AGBL1: variants seen among roughly 807,000 people sequenced by gnomAD.
The protein encoded by AGBL1 is cytosolic carboxypeptidase 4.
Under a neutral mutation model 118.9 loss-of-function variants are expected in AGBL1, and 130 were observed. The ratio of observed to expected loss-of-function variants is 1.09; its 90% CI spans 0.95 to 1.26. The LOEUF (loss-of-function observed/expected upper bound fraction) is 1.26. AGBL1 is among the 50% of genes most tolerant of loss of function. The probability of loss-of-function intolerance (pLI) is 0.00; values close to 1 mark genes in which losing one functional copy is unlikely to be tolerated. For synonymous variants in AGBL1, 555 were observed against 478.9 expected (o/e 1.16, Z -2.08); for missense variants, 1,584 against 1,298.1 (o/e 1.22, Z -3.38).
chr15:86,205,979 G>A (rs1000010365), intron 5 of AGBL1, among the ~76,000 whole-genome samples: 1 of 151,956 alleles, frequency 6.6e-6, no homozygotes, highest in African/African-American at 2.4e-5. Flanking sequence ...CCCTCCCCCT[G>A]CCCGCTACCC....
chr15:86,881,575 T>A (rs2079892063), intron 22 of AGBL1, among the ~76,000 whole-genome samples: 2 of 152,228 alleles, frequency 1.3e-5, no homozygotes, highest in Admixed American at 1.3e-4. Flanking sequence ...TGTCTTGTAC[T>A]GGTATAAAGA....
At chr15:86,316,276 G>A (rs1290140670) in intron 17 of AGBL1, among the ~76,000 whole-genome samples, 4 of 152,188 alleles carry the variant, frequency 2.6e-5, no homozygotes, top group Non-Finnish European at 5.9e-5. Flanking sequence ...ATCTTGGAGT[G>A]AAAGGCTCTT....
chr15:86,556,970 A>T (rs2083744075), intron 21 of AGBL1, among the ~76,000 whole-genome samples: 1 of 152,222 alleles, frequency 6.6e-6, no homozygotes, highest in Non-Finnish European at 1.5e-5. Context: ...TTACAGTGAC[A>T]TTTATATTGG....
intron 22 of AGBL1, among the ~76,000 whole-genome samples, chr15:86,750,148 A>C (rs551516786): frequency 1.2e-3 from 189 of 152,138 alleles, no homozygotes; most frequent in African/African-American, 4.5e-3. Context: ...CCCTGCAGAA[A>C]AGTTTTCTAG....
At chr15:86,865,601 T>A (rs2079615850) in intron 22 of AGBL1, among the ~76,000 whole-genome samples, 2 of 152,214 alleles carry the variant, frequency 1.3e-5, no homozygotes, top group Non-Finnish European at 2.9e-5. Flanking sequence ...TAACTCAGTA[T>A]AACTGAGAGA....
chr15:86,642,723 G>T (rs1037650520), intron 21 of AGBL1, among the ~76,000 whole-genome samples: 1 of 151,770 alleles, frequency 6.6e-6, no homozygotes. Flanking sequence ...GATTCTATTT[G>T]CTTGGTTTTT....
intron 5 of AGBL1, among the ~76,000 whole-genome samples, chr15:86,167,488 C>T (rs532569205): frequency 1.1e-4 from 17 of 152,264 alleles, no homozygotes; most frequent in South Asian, 2.1e-4. Flanking sequence ...TCAGGCAGTC[C>T]GCCTACCTCA....
intron 22 of AGBL1, among the ~76,000 whole-genome samples, chr15:86,742,059 G>T (rs1178918171): frequency 6.6e-6 from 1 of 151,438 alleles, no homozygotes; most frequent in Non-Finnish European, 1.5e-5. Flanking sequence ...GCTTTTTTGT[G>T]TGGAGAGGAG....
chr15:86,373,479 G>A (rs1442333374), intron 17 of AGBL1, among the ~76,000 whole-genome samples: 2 of 152,164 alleles, frequency 1.3e-5, no homozygotes, highest in Non-Finnish European at 1.5e-5. Flanking sequence ...TTGGATGAGG[G>A]TTTTAGAAAG....
intron 5 of AGBL1, among the ~76,000 whole-genome samples, chr15:86,174,691 G>GT (rs1358129943): frequency 1.3e-5 from 2 of 152,002 alleles, no homozygotes; most frequent in South Asian, 2.1e-4. Context: ...TTTGTTAAGA[G>GT]TTTTTTATCA....
At chr15:86,250,856 C>T (rs1306113731) in intron 7 of AGBL1, among the ~76,000 whole-genome samples, 1 of 152,188 alleles carries the variant, frequency 6.6e-6, no homozygotes, top group Admixed American at 6.5e-5. Context: ...ATGGGAGTCA[C>T]TGGATGGCCA....
At chr15:86,736,798 A>G (rs1385210816) in intron 22 of AGBL1, among the ~76,000 whole-genome samples, 1 of 152,174 alleles carries the variant, frequency 6.6e-6, no homozygotes, top group Non-Finnish European at 1.5e-5. Flanking sequence ...AGACATGCTT[A>G]TGAGGGTACC....
chr15:86,133,361 T>C (rs2076843429), intron 1 of AGBL1, among the ~76,000 whole-genome samples: 1 of 152,180 alleles, frequency 6.6e-6, no homozygotes, highest in Admixed American at 6.5e-5. Flanking sequence ...GCTTAAGTGT[T>C]ACTTCTTAAG....
intron 9 of AGBL1, among the ~76,000 whole-genome samples, chr15:86,260,858 G>A (rs1166318201): frequency 1.3e-5 from 2 of 152,204 alleles, no homozygotes; most frequent in African/African-American, 4.8e-5. Flanking sequence ...CTGGGCTGCT[G>A]TGAGGACACA....
At chr15:86,201,255 T>C (rs1029494069) in intron 5 of AGBL1, among the ~76,000 whole-genome samples, 2 of 152,226 alleles carry the variant, frequency 1.3e-5, no homozygotes, top group Non-Finnish European at 2.9e-5. Flanking sequence ...TGGGAAGTTC[T>C]ATGTAGGATA....
chr15:86,496,764 A>G (rs1216186622), intron 18 of AGBL1, among the ~76,000 whole-genome samples: 2 of 152,064 alleles, frequency 1.3e-5, no homozygotes, highest in South Asian at 2.1e-4. Flanking sequence ...ACAATTGTAC[A>G]TGACAGAAAT....
At chr15:86,499,194 A>T (rs573156814) in intron 18 of AGBL1, among the ~76,000 whole-genome samples, 4 of 151,882 alleles carry the variant, frequency 2.6e-5, no homozygotes, top group Non-Finnish European at 5.9e-5. Context: ...AGTTAGACAC[A>T]ATTATAACCA....
At chr15:86,540,698 GA>G (rs2083482982) in intron 19 of AGBL1, among the ~76,000 whole-genome samples, 1 of 152,164 alleles carries the variant, frequency 6.6e-6, no homozygotes, top group African/African-American at 2.4e-5. Flanking sequence ...TCTTATGGTA[GA>G]AAAGAAAAAG....
chr15:86,354,860 G>T (rs1475054927), intron 17 of AGBL1, among the ~76,000 whole-genome samples: 3 of 152,190 alleles, frequency 2.0e-5, no homozygotes, highest in Non-Finnish European at 4.4e-5. Context: ...AGACCATTTT[G>T]TGGCTGGAAT....
Sources: gnomAD v4.1 joint callset for allele counts (sites outside exome capture counted in the v4.1 genomes callset) on GRCh38, gnomAD v4.1.1 for gene constraint, MANE v1.5 for transcripts, NCBI Gene and HGNC (gene_info 2026-07-23, HGNC 2026-07-21) for gene names.